Variants in CDK15 observed in about 807,000 individuals in gnomAD.
CDK15 encodes cyclin dependent kinase 15.
A neutral mutation model predicts 60.3 loss-of-function variants in CDK15; 62 were observed. That is an observed-to-expected ratio of 1.03 (90% CI 0.84 to 1.27). The LOEUF (loss-of-function observed/expected upper bound fraction) is 1.27. CDK15 is among the 50% of genes most tolerant of loss of function. CDK15 has a pLI of 0.00. For synonymous variants in CDK15, 194 were observed against 195.7 expected, an observed-to-expected ratio of 0.99 and a Z score of 0.07; for missense variants, 541 against 527.8, an observed-to-expected ratio of 1.03 and a Z score of -0.25.
chr2:201,850,828 G>A (rs1697875345), intron 9 of CDK15, among the ~76,000 whole-genome samples: 1 of 152,038 alleles, frequency 6.6e-6, no homozygotes, highest in South Asian at 2.1e-4. Flanking sequence ...TAGTTATGAG[G>A]CAATATCTCA....
chr2:201,849,684 T>C (rs1045076069), intron 9 of CDK15, among the ~76,000 whole-genome samples: 2 of 152,188 alleles, frequency 1.3e-5, no homozygotes, highest in East Asian at 3.8e-4. Context: ...AAAGGATGTA[T>C]GTATAGATAG....
At chr2:201,860,989 T>C (rs1386366467) in intron 10 of CDK15, 2 of 1,199,924 alleles carry the variant, frequency 1.7e-6, no homozygotes, top group Admixed American at 3.0e-5. Flanking sequence ...GAGCACAAGC[T>C]AAGGTCTGCA....
At chr2:201,872,096 C>T (rs1481957999) in intron 10 of CDK15, among the ~76,000 whole-genome samples, 182 bp from the exon 11 acceptor site, 1 of 152,024 alleles carries the variant, frequency 6.6e-6, no homozygotes, top group Non-Finnish European at 1.5e-5. Context: ...ATAATAGTGA[C>T]CTTTCACCAA....
At chr2:201,814,920 T>G (rs1232387444) in intron 4 of CDK15, among the ~76,000 whole-genome samples, 1 of 151,740 alleles carries the variant, frequency 6.6e-6, no homozygotes, top group East Asian at 1.9e-4. Context: ...ATTATGAAAC[T>G]AGCAAAAGTA....
At chr2:201,809,098 A>G (rs1412976059) in intron 3 of CDK15, among the ~76,000 whole-genome samples, 2 of 152,048 alleles carry the variant, frequency 1.3e-5, no homozygotes, top group East Asian at 3.9e-4. Flanking sequence ...ACTTTTTTCA[A>G]TGCTGAGAAC....
At chr2:201,889,275 G>A in intron 12 of CDK15, 1 of 985,358 alleles carries the variant, frequency 1.0e-6, no homozygotes, top group Non-Finnish European at 1.2e-6. Flanking sequence ...CCAGATTTAT[G>A]CAAATTGTGA....
intron 4 of CDK15, among the ~76,000 whole-genome samples, chr2:201,817,951 G>T (rs1364586310): frequency 3.9e-5 from 6 of 152,150 alleles, no homozygotes; most frequent in Non-Finnish European, 8.8e-5. Flanking sequence ...TTCTCGGAAT[G>T]CATAACTTGA....
In CDK15 at chr2:201,807,962, A is replaced by G. The variant is rs1695592553; in HGVS notation, c.368+10A>G. 1 of 1,609,056 alleles carries G rather than the reference A, an allele frequency of 6.2e-7. No individual in the cohort carries two copies. ...ACAAGGGGATTAGCAGGTGAGTGAC[A>G]CATAGCTGGGAGAGACTTTAGAGAT... On this transcript the variant is annotated intron_variant, in intron 3 of 13. Coordinates refer to ENST00000652192, the MANE Select transcript of CDK15 (RefSeq NM_001366386.2).
chr2:201,822,951 C>G (rs750688628), intron 5 of CDK15, 48 bp downstream of exon 5: 1 of 1,022,458 alleles, frequency 9.8e-7, no homozygotes, highest in Admixed American at 1.7e-5. Flanking sequence ...TAACCTGGTA[C>G]TTGTATAATG....
intron 10 of CDK15, among the ~76,000 whole-genome samples, chr2:201,857,151 G>A (rs1457531613): frequency 3.7e-5 from 3 of 80,740 alleles, no homozygotes; most frequent in South Asian, 3.6e-4. Flanking sequence ...GCGTGAACCC[G>A]GGAAGCGGAG....
At chr2:201,818,524 T>C (rs1456686980) in intron 4 of CDK15, among the ~76,000 whole-genome samples, 1 of 152,204 alleles carries the variant, frequency 6.6e-6, no homozygotes, top group Non-Finnish European at 1.5e-5. Flanking sequence ...TCCTTAAAAT[T>C]AGAAGAAAGA....
chr2:201,841,576 A>G (rs2105762108), intron 8 of CDK15, among the ~76,000 whole-genome samples: 1 of 152,348 alleles, frequency 6.6e-6, no homozygotes, highest in East Asian at 1.9e-4. Context: ...ATGAAAAAGA[A>G]AGAATAATCC....
chr2:201,893,284 T>C lies in CDK15; in HGVS notation c.*34-17T>C, dbSNP rs1474958133. On this transcript the variant is annotated splice_polypyrimidine_tract_variant and intron_variant, in intron 13 of 13. Coordinates refer to ENST00000652192, the MANE Select transcript of CDK15 (RefSeq NM_001366386.2). ...TGTTCATTATTTTGATTGTGTTTAT[T>C]TTTCATTCACTTCCAGGGCTGTATT... 1 of 152,232 alleles carries C rather than the reference T, an allele frequency of 6.6e-6. No individual in the cohort carries two copies. Among genetic ancestry groups the C allele is most frequent in the African/African-American group, 2.4e-5 (1 of 41,452 alleles). The allele number at this position is 152,232 out of a possible 1,614,324, so 9.4% of individuals were successfully genotyped here. A position where few individuals can be genotyped will look rare whatever the true frequency, so the allele number is the denominator to read the frequency against.
chr2:201,809,750 G>T (rs1243379230), intron 3 of CDK15, among the ~76,000 whole-genome samples: 1 of 152,018 alleles, frequency 6.6e-6, no homozygotes, highest in African/African-American at 2.4e-5. Context: ...CACACACTCA[G>T]CTCCTCCCTG....
rs866075950 is a variant in CDK15 at position 201,835,764 on chromosome 2, G to A, written c.851+1G>A. 10 of 1,553,692 alleles carry A rather than the reference G, an allele frequency of 6.4e-6. No individual in the cohort carries two copies. Among genetic ancestry groups the A allele is most frequent in the East Asian group, 2.3e-5 (1 of 44,010 alleles). On this transcript the variant is annotated splice_donor_variant, in intron 8 of 13. Coordinates refer to ENST00000652192, the MANE Select transcript of CDK15 (RefSeq NM_001366386.2). LOFTEE classifies it high-confidence loss of function. The stretch of plus-strand genomic sequence containing the variant: ...AATATTCCTCTGAGCTGGACATATG[G>A]TAAGAGTGGTGCCGAGAAAATGTGA...
In CDK15 at chr2:201,833,985, C is replaced by A; in HGVS notation, c.730+14C>A. 6.2e-7 allele frequency: 1 copy of A among 1,612,424 alleles called. No individual in the cohort carries two copies. The highest frequency in any genetic ancestry group is 1.1e-5 in the South Asian group (1 of 90,800). Reference sequence around the variant, plus strand: ...TGGCTGATTTTGGTAAGTCGCCCCTCGGGTCTCATTCTGGGCTGTGAACAA... The same window carrying A: ...TGGCTGATTTTGGTAAGTCGCCCCTAGGGTCTCATTCTGGGCTGTGAACAA... On this transcript the variant is annotated intron_variant, in intron 7 of 13. Transcript: ENST00000652192.
chr2:201,840,058 C>T lies in CDK15; in HGVS notation c.851+4295C>T, dbSNP rs1190443841. 2.0e-5 allele frequency among the ~76,000 whole-genome samples: 3 copies of T among 151,908 alleles called. No individual in the cohort carries two copies. The East Asian group carries it at 5.8e-4, about 29-fold the overall frequency. On this transcript the variant is annotated intron_variant, in intron 8 of 13. Coordinates refer to ENST00000652192, the MANE Select transcript of CDK15 (RefSeq NM_001366386.2). ...GGAATGCAGTGACTCAACCTCGGCT[C>T]ACTGCAACCTCCACCTCCTGGGTTC...
chr2:201,807,785 A>G, intron 2 of CDK15, 73 bp from the exon 3 acceptor site: 2 of 1,551,380 alleles, frequency 1.3e-6, no homozygotes, highest in East Asian at 2.3e-5. Flanking sequence ...GGGGAAAAAA[A>G]GTCAACACTA....
chr2:201,838,763 A>T (rs1022041518), intron 8 of CDK15, among the ~76,000 whole-genome samples: 3 of 152,102 alleles, frequency 2.0e-5, no homozygotes, highest in Non-Finnish European at 2.9e-5. Context: ...TAACAACTAG[A>T]ACATAATCCG....
Sources: allele counts gnomAD v4.1 joint callset (sites outside exome capture counted in the v4.1 genomes callset), GRCh38; gene constraint gnomAD v4.1.1; transcripts MANE v1.5; gene names NCBI Gene and HGNC (gene_info 2026-07-23, HGNC 2026-07-21).